Variants in PRAM1 observed in about 807,000 individuals in gnomAD.
The protein encoded by PRAM1 is PML-RARA-regulated adapter molecule 1.
PRAM1 carries 41 observed loss-of-function variants against 55.3 expected under a neutral mutation model. That is an observed-to-expected ratio of 0.74 (90% CI 0.58 to 0.96). The LOEUF (loss-of-function observed/expected upper bound fraction) is 0.96. Among genes scored for constraint, PRAM1 ranks in the 40% least tolerant of loss-of-function variants. PRAM1 has a pLI of 0.00. For synonymous variants in PRAM1, 401 were observed against 387.1 expected, an observed-to-expected ratio of 1.04 and a Z score of -0.42; for missense variants, 898 against 892.7, an observed-to-expected ratio of 1.01 and a Z score of -0.08.
chr19:8,495,340 T>C (rs1599879194), intron 4 of PRAM1, among the ~76,000 whole-genome samples: 1 of 152,082 alleles, frequency 6.6e-6, no homozygotes, highest in Admixed American at 6.6e-5. Context: ...CCTCAGGTGA[T>C]CCACCCGCCT....
rs370083096 is a variant in PRAM1 at position 8,490,878 on chromosome 19, A to G, written c.1743+9T>C. The G allele has an allele frequency of 2.0e-5, 33 of 1,612,716 alleles. No homozygotes were observed. The highest frequency in any genetic ancestry group is 2.5e-5 in the Non-Finnish European group (30 of 1,179,736). ...CTGCCAGGACTCCTGCTTAGCTCAG[A>G]GGCCTCACCTTGAACTTCTTCCGGA... On this transcript the variant is annotated intron_variant, in intron 6 of 9. Transcript: ENST00000423345. The surrounding 1 kb of genome is among the most constrained non-coding windows in gnomAD (Gnocchi z 7.3).
chr19:8,498,798 TC>T lies in PRAM1; in HGVS notation c.1009del (p.Glu337SerfsTer141), dbSNP rs1568316971. 2 of 1,579,906 alleles carry T rather than the reference TC, an allele frequency of 1.3e-6. No homozygotes were observed. Among genetic ancestry groups the T allele is most frequent in the Non-Finnish European group, 1.7e-6 (2 of 1,163,624 alleles). On this transcript the variant is annotated frameshift_variant, in exon 2 of 10. Coordinates refer to ENST00000423345, the MANE Select transcript of PRAM1 (RefSeq NM_032152.5). LOFTEE classifies it high-confidence loss of function. ...CAGCTTCCTGGGGAGTGAGTTGAAC[TC>T]GGGCTCTGAGGAGGTCCTGGGGAGG... ...GGLPRTSSEP[E>X]FNSLPRKLLQ...
chr19:8,497,876 T>A, intron 3 of PRAM1, 36 bp from the exon 4 acceptor site: 1 of 1,319,446 alleles, frequency 7.6e-7, no homozygotes, highest in Non-Finnish European at 1.0e-6. Flanking sequence ...TCTTCTTTTT[T>A]TTTTTTTTTT....
At chr19:8,492,358 G>GC (rs1971642427) in intron 4 of PRAM1, among the ~76,000 whole-genome samples, 1 of 152,018 alleles carries the variant, frequency 6.6e-6, no homozygotes, top group South Asian at 2.1e-4. Context: ...CTGGGTTCAA[G>GC]CGATTCTCCT....
chr19:8,499,039 G>T lies in PRAM1; in HGVS notation c.769C>A (p.Pro257Thr). 6.2e-7 allele frequency: 1 copy of T among 1,613,766 alleles called. No individual in the cohort carries two copies. Among genetic ancestry groups the T allele is most frequent in the South Asian group, 1.1e-5 (1 of 91,080 alleles). Residue 257 changes from proline to threonine, a missense_variant, in exon 2 of 10, where the codon CCT becomes ACT. Physicochemically the swap from Pro to Thr is conservative, Grantham distance 38 (BLOSUM62 -1). Transcript: ENST00000423345. ...TCGCGCTTCGGCTCGCTGGACTGAG[G>T]CTTCCAGAGGGGAGTCTGAGCGGCC... ...SEAAQTPLWK[P>T]QSSEPKRDSS...
Position 8,490,223 on chromosome 19 carries a change from G to A in PRAM1, c.1979C>T (p.Pro660Leu). 1.2e-6 allele frequency: 2 copies of A among 1,602,506 alleles called. No homozygotes were observed. The highest frequency in any genetic ancestry group is 1.7e-6 in the Non-Finnish European group (2 of 1,173,566). Reference protein sequence around the residue: ...EVYDDVDFCDPLENQPLPLGR With the variant: ...EVYDDVDFCDLLENQPLPLGR ...CAGGGGGAGTGGTTGGTTTTCCAGG[G>A]GATCTGCCGAGGAAGCGTGACTTCC... The change falls in exon 10 of 10, where the codon CCC (proline) becomes CTC (leucine). Residue 660 changes from proline (P) to leucine (L), a missense_variant. Pro to Leu is a moderately conservative substitution (Grantham distance 98). This residue lies in a region of PRAM1 where 787 missense variants were observed against 735.4 expected (regional missense o/e 1.07). Coordinates refer to ENST00000423345, the MANE Select transcript of PRAM1 (RefSeq NM_032152.5). The surrounding 1 kb of genome is among the most constrained non-coding windows in gnomAD (Gnocchi z 7.3).
chr19:8,490,534 G>A lies in PRAM1; in HGVS notation c.1907-25C>T. ...TCTGTGGAGAGAGTGGGCATGGTGGGTTCTGAGGCCCAGGGTGGCGGCGGG... is the reference window on the plus strand; with the variant it reads ...TCTGTGGAGAGAGTGGGCATGGTGGATTCTGAGGCCCAGGGTGGCGGCGGG... On this transcript the variant is annotated intron_variant, in intron 7 of 9. Transcript: ENST00000423345. This position sits in a 1 kb window ranked among gnomAD's most constrained non-coding sequence, Gnocchi z 7.3. The A allele has an allele frequency of 6.2e-7, 1 of 1,607,376 alleles. No individual in the cohort carries two copies. Among genetic ancestry groups the A allele is most frequent in the Non-Finnish European group, 8.5e-7 (1 of 1,177,146 alleles).
In PRAM1 at chr19:8,502,593, G is replaced by C; in HGVS notation, c.-2C>G. On this transcript the variant is annotated 5_prime_UTR_variant, in exon 1 of 10. Coordinates refer to ENST00000423345, the MANE Select transcript of PRAM1 (RefSeq NM_032152.5). ...GGCTGCAGGCAGGTGATGGGCCATG[G>C]GATGAGTGGGACCCGAGCTGGGGCC... 1 of 1,551,004 alleles carries C rather than the reference G, an allele frequency of 6.4e-7. No individual in the cohort carries two copies. Among genetic ancestry groups the C allele is most frequent in the Non-Finnish European group, 8.7e-7 (1 of 1,148,684 alleles).
At chr19:8,502,344 C>T (rs941061585) in intron 1 of PRAM1, among the ~76,000 whole-genome samples, 1 of 152,152 alleles carries the variant, frequency 6.6e-6, no homozygotes, top group Non-Finnish European at 1.5e-5. Context: ...CTCGCAGTCC[C>T]AACCTGAGCG....
At chr19:8,501,528 T>TG (rs398033851) in intron 1 of PRAM1, among the ~76,000 whole-genome samples, 8 of 149,424 alleles carry the variant, frequency 5.4e-5, no homozygotes, top group Middle Eastern at 3.4e-3. Flanking sequence ...TTTTTTTTTT[T>TG]GTCTCTCTAC....
Position 8,499,149 on chromosome 19 carries a change from T to A in PRAM1, c.659A>T (p.Glu220Val). ...AGGCTTTTTGGGGTACACGTTGAAC[T>A]CAGGCTGCGCAGGCTTCTTGGGAAA... ...STFPKKPAQPEFNVYPKKPPQ... is the reference protein window; with the variant it reads ...STFPKKPAQPVFNVYPKKPPQ... The change falls in exon 2 of 10, where the codon GAG becomes GTG. Residue 220 changes from glutamate (E) to valine (V), a missense_variant. Coordinates refer to ENST00000423345, the MANE Select transcript of PRAM1 (RefSeq NM_032152.5). 6.2e-7 allele frequency: 1 copy of A among 1,613,662 alleles called. No individual in the cohort carries two copies. The highest frequency in any genetic ancestry group is 1.1e-5 in the South Asian group (1 of 91,074).
At chr19:8,495,407 G>GT (rs1568315165) in intron 4 of PRAM1, among the ~76,000 whole-genome samples, 1 of 151,904 alleles carries the variant, frequency 6.6e-6, no homozygotes, top group South Asian at 2.1e-4. Context: ...GCCCCAGCTA[G>GT]TTTTTTTATT....
Position 8,490,946 on chromosome 19 carries a change from A to G in PRAM1, c.1684T>C (p.Leu562=). The G allele has an allele frequency of 6.2e-7, 1 of 1,613,848 alleles. No homozygotes were observed. Among genetic ancestry groups the G allele is most frequent in the Non-Finnish European group, 8.5e-7 (1 of 1,179,886 alleles). ...TCTGCCTTCCTCAGCTGCTTCAGCA[A>G]CTTTGGGTCCATGGGTGGCAACTGC... ...PQQLPPMDPK[L]LKQLRKAEKA... is the part of the protein sequence containing the mutation. Residue 562 remains leucine, a synonymous_variant, in exon 6 of 10, where the codon TTG becomes CTG. Transcript: ENST00000423345. The surrounding 1 kb of genome is among the most constrained non-coding windows in gnomAD (Gnocchi z 7.3).
chr19:8,490,902 G>A lies in PRAM1; in HGVS notation c.1728C>T (p.Phe576=). 1 of 1,613,478 alleles carries A rather than the reference G, an allele frequency of 6.2e-7. No individual in the cohort carries two copies. The highest frequency in any genetic ancestry group is 8.5e-7 in the Non-Finnish European group (1 of 1,179,874). Residue 576 remains phenylalanine (F), a synonymous_variant, in exon 6 of 10, where the codon TTC becomes TTT. Coordinates refer to ENST00000423345, the MANE Select transcript of PRAM1 (RefSeq NM_032152.5). This position sits in a 1 kb window ranked among gnomAD's most constrained non-coding sequence, Gnocchi z 7.3. Reference sequence around the variant, plus strand: ...GAGGCCTCACCTTGAACTTCTTCCGGAACTCCCTCTCGGCCTTCTCTGCCT... The same window carrying A: ...GAGGCCTCACCTTGAACTTCTTCCGAAACTCCCTCTCGGCCTTCTCTGCCT... ...LRKAEKAERE[F]RKKFKFEGEI...
In PRAM1 at chr19:8,490,846, C is replaced by G; in HGVS notation, c.1743+41G>C. ...AGCCTGGGATCGGTGGGACCCTGGT[C>G]TCCGCCCTGCCAGGACTCCTGCTTA... On this transcript the variant is annotated intron_variant, in intron 6 of 9. Transcript: ENST00000423345. This position sits in a 1 kb window ranked among gnomAD's most constrained non-coding sequence, Gnocchi z 7.3. 1 of 1,610,142 alleles carries G rather than the reference C, an allele frequency of 6.2e-7. No individual in the cohort carries two copies. Among genetic ancestry groups the G allele is most frequent in the Non-Finnish European group, 8.5e-7 (1 of 1,179,344 alleles).
chr19:8,491,025 T>C (rs779506964), intron 5 of PRAM1, 30 bp from the exon 6 acceptor site: 16 of 1,612,890 alleles, frequency 9.9e-6, no homozygotes, highest in East Asian at 4.5e-5. Context: ...AATTGTGTGC[T>C]CGTGAGCAAG....
Position 8,498,590 on chromosome 19 carries a change from G to A in PRAM1, c.1218C>T (p.Leu406=), listed in dbSNP as rs553624234. The A allele has an allele frequency of 8.1e-6, 13 of 1,612,700 alleles. No individual in the cohort carries two copies. In the South Asian group the frequency reaches 1.2e-4, roughly 15 times the overall value. The change falls in exon 2 of 10, where the codon CTC becomes CTT. Residue 406 remains leucine (L), a synonymous_variant. Coordinates refer to ENST00000423345, the MANE Select transcript of PRAM1 (RefSeq NM_032152.5). ...AVAGFSSRHP[L]SPGFGAAGTP... ...TCCCAGCCGCTCCAAACCCAGGGCT[G>A]AGCGGGTGCCGGGAGCTGAAGCCGG...
Position 8,498,226 on chromosome 19 carries a change from G to A in PRAM1, c.1496C>T (p.Pro499Leu), listed in dbSNP as rs769574006. Residue 499 changes from proline to leucine, a missense_variant, in exon 3 of 10, where the codon CCG becomes CTG. By Grantham distance (98) the Pro-to-Leu change is moderately conservative. This residue lies in a region of PRAM1 where 787 missense variants were observed against 735.4 expected (regional missense o/e 1.07). Coordinates refer to ENST00000423345, the MANE Select transcript of PRAM1 (RefSeq NM_032152.5). ...TCCGCTTCCTCCCCACACTCACTGC[G>A]GGATGTCTTCAGGCTGTCGGTCCTG... is the stretch of plus-strand genomic sequence containing the variant. Reference protein sequence around the residue: ...HFQDRQPEDIPQVPDEIYELY... With the variant: ...HFQDRQPEDILQVPDEIYELY... 5 of 1,612,160 alleles carry A rather than the reference G, an allele frequency of 3.1e-6. No individual in the cohort carries two copies. The Admixed American group carries it at 5.0e-5, about 16-fold the overall frequency.
At position 8,498,828 on chromosome 19, in the gene PRAM1, C is replaced by T. The variant is rs1270625743; in HGVS notation, c.980G>A (p.Gly327Asp). The change falls in exon 2 of 10, where the codon GGC (glycine) becomes GAC (aspartate). Residue 327 changes from glycine (G) to aspartate (D), a missense_variant. Coordinates refer to ENST00000423345, the MANE Select transcript of PRAM1 (RefSeq NM_032152.5). The stretch of plus-strand genomic sequence containing the variant: ...CTCTGAGGAGGTCCTGGGGAGGCCG[C>T]CCAGCTCGGGCTGCGGGGGCTTCTT... Reference protein sequence around the residue: ...LSKKPPQPELGGLPRTSSEPE... With the variant: ...LSKKPPQPELDGLPRTSSEPE... 2 of 1,597,012 alleles carry T rather than the reference C, an allele frequency of 1.3e-6. No individual in the cohort carries two copies. The highest frequency in any genetic ancestry group is 1.8e-5 in the Admixed American group (1 of 56,624).
Sources: allele counts gnomAD v4.1 joint callset (sites outside exome capture counted in the v4.1 genomes callset), GRCh38; gene constraint gnomAD v4.1.1; regional missense constraint gnomAD v4.1.1; non-coding constraint Gnocchi (gnomAD v3.1); transcripts MANE v1.5; gene names NCBI Gene and HGNC (gene_info 2026-07-23, HGNC 2026-07-21).